The following C11orf65 variants were observed in gnomAD, a reference collection of about 807,000 sequenced individuals.
C11orf65 encodes protein MFI.
In C11orf65, 38 loss-of-function variants were observed where a neutral mutation model predicts 35.3. The observed-to-expected ratio is 1.08, with a 90% CI of 0.83 to 1.41. The LOEUF is 1.41. Ranked by LOEUF, C11orf65 falls within the 40% of genes most tolerant of loss-of-function variation. The pLI, the probability that C11orf65 is intolerant of heterozygous loss-of-function variation, is 0.00. For missense variants in C11orf65, 370 were observed against 367.1 expected (o/e 1.01, Z -0.06); for synonymous variants, 105 against 114.4 (o/e 0.92, Z 0.53).
intron 1 of C11orf65, among the ~76,000 whole-genome samples, chr11:108,464,085 C>G (rs1242921137): frequency 6.6e-6 from 1 of 151,654 alleles, no homozygotes; most frequent in Admixed American, 6.6e-5. Context: ...TGCCACCACG[C>G]CTGGCTAATT....
chr11:108,362,054 C>G (rs1591367347), intron 2 of C11orf65, among the ~76,000 whole-genome samples: 1 of 133,794 alleles, frequency 7.5e-6, no homozygotes, highest in African/African-American at 2.8e-5. Context: ...ACTCATCTGA[C>G]AAAGGGCTAA....
At chr11:108,321,229 AC>A in intron 6 of C11orf65, 1 of 1,595,372 alleles carries the variant, frequency 6.3e-7, no homozygotes, top group Non-Finnish European at 8.6e-7. Flanking sequence ...CTCTTTAACA[AC>A]AAATTTAAAC....
At chr11:108,464,601 C>G (rs977921759) in intron 1 of C11orf65, among the ~76,000 whole-genome samples, 2 of 152,074 alleles carry the variant, frequency 1.3e-5, no homozygotes, top group Middle Eastern at 3.2e-3. Context: ...ACCTCGTGAT[C>G]CACCCACCTC....
intron 8 of C11orf65, among the ~76,000 whole-genome samples, chr11:108,384,711 T>G (rs1242894311): frequency 6.6e-6 from 1 of 152,156 alleles, no homozygotes. Context: ...AGGCAGAGGC[T>G]GCAGGGAACT....
chr11:108,468,239 T>G (rs903925612), upstream of C11orf65, among the ~76,000 whole-genome samples: 1 of 152,260 alleles, frequency 6.6e-6, no homozygotes, highest in Non-Finnish European at 1.5e-5. Flanking sequence ...AATACGTGAC[T>G]TGCAGTCCAA....
At chr11:108,372,473 G>A (rs2091599307) in intron 2 of C11orf65, among the ~76,000 whole-genome samples, 2 of 152,216 alleles carry the variant, frequency 1.3e-5, no homozygotes, top group Admixed American at 1.3e-4. Context: ...GATTACAGGC[G>A]TGAGCCACTG....
chr11:108,380,141 T>C (rs2091839214), downstream of C11orf65, among the ~76,000 whole-genome samples: 1 of 152,168 alleles, frequency 6.6e-6, no homozygotes, highest in African/African-American at 2.4e-5. Context: ...GGTAGAGACG[T>C]TCCCTACGAA....
chr11:108,326,040 A>G lies in C11orf65; in HGVS notation c.641-16969T>C. On this transcript the variant is annotated intron_variant, in intron 6 of 6. Coordinates refer to the C11orf65 transcript ENST00000525729. ...CAGTAGTAAAAGTATTTATTCCCAT[A>G]TGTCATTTTCATTTCAGCTCCCTGA... 6.2e-7 allele frequency: 1 copy of G among 1,612,484 alleles called. No homozygotes were observed. Among genetic ancestry groups the G allele is most frequent in the Non-Finnish European group, 8.5e-7 (1 of 1,178,652 alleles).
intron 3 of C11orf65, chr11:108,333,044 A>G (rs1395351630): frequency 1.0e-6 from 1 of 954,062 alleles, no homozygotes; most frequent in Non-Finnish European, 1.6e-6. Context: ...TGGCTTCAGC[A>G]TTCCCTGGTT....
intron 6 of C11orf65, among the ~76,000 whole-genome samples, chr11:108,400,364 C>T (rs1262120410): frequency 6.6e-6 from 1 of 152,146 alleles, no homozygotes; most frequent in Non-Finnish European, 1.5e-5. Flanking sequence ...CCTACTAAGC[C>T]ACCAAGGAGC....
chr11:108,459,727 A>ACG (rs1491293335), intron 2 of C11orf65, among the ~76,000 whole-genome samples: 3 of 2,842 alleles, frequency 1.1e-3, no homozygotes, highest in African/African-American at 1.6e-3. Context: ...TCCTCCGTCT[A>ACG]CACACACACA....
chr11:108,371,865 G>A (rs773140926), intron 2 of C11orf65, among the ~76,000 whole-genome samples: 1 of 152,204 alleles, frequency 6.6e-6, no homozygotes, highest in South Asian at 2.1e-4. Context: ...CACAAGGGTT[G>A]CAATTTCTCA....
intron 6 of C11orf65, among the ~76,000 whole-genome samples, chr11:108,394,165 G>A (rs533374891): frequency 3.2e-4 from 39 of 122,924 alleles, no homozygotes; most frequent in Non-Finnish European, 5.2e-4. Flanking sequence ...GGGCGACAGA[G>A]CAAGACTCCA....
At chr11:108,320,254 T>C (rs1444708615) in intron 6 of C11orf65, among the ~76,000 whole-genome samples, 3 of 152,244 alleles carry the variant, frequency 2.0e-5, no homozygotes, top group African/African-American at 7.2e-5. Flanking sequence ...AGGTTCATTC[T>C]TTACCCTGAC....
chr11:108,374,521 A>G (rs1019377089), intron 2 of C11orf65, among the ~76,000 whole-genome samples: 23 of 152,274 alleles, frequency 1.5e-4, no homozygotes, highest in Non-Finnish European at 3.4e-4. Context: ...AGTAGATAAA[A>G]CCACAAAGAT....
chr11:108,327,806 G>A (rs772805798), downstream of C11orf65: 1 of 1,343,744 alleles, frequency 7.4e-7, no homozygotes, highest in Non-Finnish European at 1.1e-6. Context: ...GCATGAATAT[G>A]CTTCATCTTT....
In C11orf65 at chr11:108,369,087, T is replaced by G. The variant is rs912006598; in HGVS notation, c.226+24121A>C. The G allele has an allele frequency of 4.1e-5, 7 of 171,026 alleles. No individual in the cohort carries two copies. Among genetic ancestry groups the G allele is most frequent in the Middle Eastern group, 2.4e-3 (1 of 422 alleles). 10.6% of individuals were successfully genotyped at this position (171,026 alleles called of 1,614,324 possible). On this transcript the variant is annotated intron_variant, in intron 2 of 3. Coordinates refer to the C11orf65 transcript ENST00000524755. ...TTATTATAAAGTGTTTTTGAATAAA[T>G]AATTCTAAAAGCATATACTAAGACT... is the stretch of plus-strand genomic sequence containing the variant.
At chr11:108,436,223 C>A (rs2093058350) in intron 2 of C11orf65, among the ~76,000 whole-genome samples, 3 of 152,104 alleles carry the variant, frequency 2.0e-5, no homozygotes, top group South Asian at 4.1e-4. Context: ...AGAGAGAACA[C>A]AAGCTCTGCT....
At chr11:108,363,576 G>A (rs1174328993) in intron 2 of C11orf65, among the ~76,000 whole-genome samples, 2 of 152,092 alleles carry the variant, frequency 1.3e-5, no homozygotes, top group Admixed American at 1.3e-4. Flanking sequence ...GCATCTACTG[G>A]GTAGAGGCCA....
Sources: allele counts gnomAD v4.1 joint callset (sites outside exome capture counted in the v4.1 genomes callset), GRCh38; gene constraint gnomAD v4.1.1; transcripts MANE v1.5; gene names NCBI Gene and HGNC (gene_info 2026-07-23, HGNC 2026-07-21).